Variants in FKBP5 observed in about 807,000 individuals in gnomAD.
FKBP5 encodes peptidyl-prolyl cis-trans isomerase FKBP5.
FKBP5 carries 23 observed loss-of-function variants against 50.5 expected under a neutral mutation model. The ratio of observed to expected loss-of-function variants is 0.46; its 90% CI spans 0.33 to 0.65. The LOEUF is 0.65. Among genes scored for constraint, FKBP5 ranks in the 30% least tolerant of loss-of-function variants. The pLI is 0.02. For missense variants in FKBP5, 411 were observed against 553.1 expected, an observed-to-expected ratio of 0.74 and a Z score of 2.58; for synonymous variants, 176 against 190.6, an observed-to-expected ratio of 0.92 and a Z score of 0.63.
intron 1 of FKBP5, among the ~76,000 whole-genome samples, chr6:35,727,104 C>A (rs1170700142): frequency 6.6e-6 from 1 of 152,158 alleles, no homozygotes; most frequent in East Asian, 1.9e-4. Context: ...GGAGGACAGG[C>A]ACTCCTGGCA....
chr6:35,633,691 C>T (rs1361213179), intron 3 of FKBP5, among the ~76,000 whole-genome samples: 1 of 152,094 alleles, frequency 6.6e-6, no homozygotes, highest in Non-Finnish European at 1.5e-5. Flanking sequence ...CAATTACCAT[C>T]TTAAGGAGGC....
chr6:35,649,942 T>A (rs778315672), intron 1 of FKBP5, among the ~76,000 whole-genome samples: 2 of 152,224 alleles, frequency 1.3e-5, no homozygotes, highest in African/African-American at 4.8e-5. Context: ...ATGCATACTA[T>A]AAAAATATAC....
At chr6:35,589,092 T>TTATATATATATATTTTTATATATATA (rs1762714533) in intron 7 of FKBP5, among the ~76,000 whole-genome samples, 2 of 135,964 alleles carry the variant, frequency 1.5e-5, no homozygotes, top group Admixed American at 7.7e-5. Flanking sequence ...ATATATATTT[T>TTATATATATATATTTTTATATATATA]TATATATATA....
At chr6:35,652,444 C>A (rs978754334) in intron 1 of FKBP5, among the ~76,000 whole-genome samples, 6 of 152,290 alleles carry the variant, frequency 3.9e-5, no homozygotes, top group Non-Finnish European at 2.9e-5. Flanking sequence ...CATGGAAAGT[C>A]CCTGAGAAAG....
chr6:35,643,020 A>G (rs890180590), intron 1 of FKBP5, among the ~76,000 whole-genome samples, 177 bp from the exon 2 acceptor site: 1 of 152,262 alleles, frequency 6.6e-6, no homozygotes, highest in Non-Finnish European at 1.5e-5. Flanking sequence ...TCAGGCATGT[A>G]AATAAAACAT....
chr6:35,713,746 C>T (rs757039864), intron 2 of FKBP5, among the ~76,000 whole-genome samples: 11 of 152,210 alleles, frequency 7.2e-5, no homozygotes, highest in Non-Finnish European at 1.2e-4. Flanking sequence ...TTGTCCAAAA[C>T]TGTGCAGCCA....
intron 3 of FKBP5, among the ~76,000 whole-genome samples, chr6:35,621,412 C>T (rs576963835): frequency 6.6e-6 from 1 of 151,664 alleles, no homozygotes; most frequent in East Asian, 1.9e-4. Flanking sequence ...CACTTGAGGC[C>T]AGGAATTCAA....
At chr6:35,721,486 C>T (rs909092579) in intron 1 of FKBP5, among the ~76,000 whole-genome samples, 1 of 151,636 alleles carries the variant, frequency 6.6e-6, no homozygotes, top group African/African-American at 2.4e-5. Flanking sequence ...ATGGAGTTTC[C>T]CTCTTATTGC....
At chr6:35,582,009 T>G in intron 8 of FKBP5, 1 of 985,462 alleles carries the variant, frequency 1.0e-6, no homozygotes, top group Non-Finnish European at 1.2e-6. Context: ...AAGTGGGTGA[T>G]GTAAGAAACG....
rs189185201 is a variant in FKBP5, at chr6:35,603,242, T to C, written c.509-5838A>G. Among the ~76,000 whole-genome samples, 391 of 152,344 alleles carry C rather than the reference T, an allele frequency of 2.6e-3. 6 individuals carry two copies. The highest frequency in any genetic ancestry group is 7.5e-3 in the Admixed American group (115 of 15,306). On this transcript the variant is annotated intron_variant, in intron 5 of 10. Transcript: ENST00000357266. The stretch of plus-strand genomic sequence containing the variant: ...ATACAGAGACAAACTAAAGGAATGT[T>C]AGCTATAATTATTTTCCTGTGCCTA...
Position 35,574,812 on chromosome 6 carries a change from C to T in FKBP5, c.*1023G>A, listed in dbSNP as rs920830536. 6 of 152,252 alleles carry T rather than the reference C, an allele frequency of 3.9e-5. No homozygotes were observed. Among genetic ancestry groups the T allele is most frequent in the Admixed American group, 1.3e-4 (2 of 15,236 alleles). The allele number at this position is 152,252 out of a possible 1,614,324, so 9.4% of individuals were successfully genotyped here. A position where few individuals can be genotyped will look rare whatever the true frequency, so the allele number is the denominator to read the frequency against. On this transcript the variant is annotated 3_prime_UTR_variant, in exon 11 of 11. Coordinates refer to ENST00000357266, the MANE Select transcript of FKBP5 (RefSeq NM_004117.4). ...AACCAGTATACATATGCTTATGAGC[C>T]AATAATCTTAAAAAGACAAAAAAAG...
At chr6:35,677,373 C>T (rs1049497777) in intron 1 of FKBP5, among the ~76,000 whole-genome samples, 7 of 152,068 alleles carry the variant, frequency 4.6e-5, no homozygotes, top group African/African-American at 1.4e-4. Context: ...ACACCCAGCC[C>T]AGCAAAGGTG....
At chr6:35,686,889 C>T (rs1168568777) in intron 1 of FKBP5, among the ~76,000 whole-genome samples, 10 of 152,098 alleles carry the variant, frequency 6.6e-5, no homozygotes, top group Admixed American at 6.6e-4. Context: ...ATTCCCATAA[C>T]TAAAAGAATT....
At chr6:35,590,128 T>C (rs527618957) in intron 7 of FKBP5, among the ~76,000 whole-genome samples, 1 of 152,212 alleles carries the variant, frequency 6.6e-6, no homozygotes, top group African/African-American at 2.4e-5. Flanking sequence ...TGAGACCCCA[T>C]GTCTACAAAA....
At chr6:35,675,538 C>T (rs141473268) in intron 1 of FKBP5, among the ~76,000 whole-genome samples, 1,710 of 152,294 alleles carry the variant, frequency 0.011, 15 homozygotes, top group South Asian at 0.033. Flanking sequence ...CCACTGCACT[C>T]CAGCCTGGGT....
intron 1 of FKBP5, among the ~76,000 whole-genome samples, chr6:35,667,775 G>A (rs953130107): frequency 6.6e-6 from 1 of 152,166 alleles, no homozygotes; most frequent in African/African-American, 2.4e-5. Flanking sequence ...CAGCTACTCA[G>A]GAGGCTGAGG....
At chr6:35,681,941 T>G (rs1473149106) in intron 1 of FKBP5, among the ~76,000 whole-genome samples, 1 of 152,092 alleles carries the variant, frequency 6.6e-6, no homozygotes, top group Non-Finnish European at 1.5e-5. Flanking sequence ...AAAAAAGAAT[T>G]TATAAAGTTC....
At chr6:35,580,367 T>C in intron 8 of FKBP5, 146 bp from the exon 9 acceptor site, 1 of 693,426 alleles carries the variant, frequency 1.4e-6, no homozygotes, top group South Asian at 1.8e-5. Flanking sequence ...TCCAGGTACC[T>C]TTCCCACTCC....
chr6:35,655,531 TA>T (rs1299434046), intron 1 of FKBP5, among the ~76,000 whole-genome samples: 1 of 152,196 alleles, frequency 6.6e-6, no homozygotes, highest in Non-Finnish European at 1.5e-5. Flanking sequence ...GAAAAGTCTA[TA>T]AACACTATAC....
Sources: gnomAD v4.1 joint callset for allele counts (sites outside exome capture counted in the v4.1 genomes callset) on GRCh38, gnomAD v4.1.1 for gene constraint, MANE v1.5 for transcripts, NCBI Gene and HGNC (gene_info 2026-07-23, HGNC 2026-07-21) for gene names.